Variants in PTPRO observed in about 807,000 individuals in gnomAD.
PTPRO encodes receptor-type tyrosine-protein phosphatase O.
PTPRO carries 62 observed loss-of-function variants against 145.2 expected under a neutral mutation model. The ratio of observed to expected loss-of-function variants is 0.43; its 90% confidence interval spans 0.35 to 0.53. PTPRO has a LOEUF of 0.53. PTPRO is among the 20% of genes least tolerant of loss of function. The probability of loss-of-function intolerance (pLI) is 0.01; values close to 1 mark genes in which losing one functional copy is unlikely to be tolerated. For synonymous variants in PTPRO, 565 were observed against 514.7 expected, an observed-to-expected ratio of 1.10 and a Z score of -1.32; for missense variants, 1,345 against 1,482.7, an observed-to-expected ratio of 0.91 and a Z score of 1.53.
chr12:15,519,406 G>A (rs1227591976), intron 9 of PTPRO, among the ~76,000 whole-genome samples: 1 of 152,102 alleles, frequency 6.6e-6, no homozygotes, highest in East Asian at 1.9e-4. Flanking sequence ...CATTGTTTTT[G>A]CTTTTAGGTT....
At chr12:15,547,408 A>G (rs1032965121) in intron 13 of PTPRO, among the ~76,000 whole-genome samples, 1 of 152,248 alleles carries the variant, frequency 6.6e-6, no homozygotes, top group Non-Finnish European at 1.5e-5. Context: ...TGAAAGGAAA[A>G]GGACAGATTT....
At chr12:15,579,901 A>G (rs1182996956) in intron 20 of PTPRO, 138 bp from the exon 21 acceptor site, 16 of 691,302 alleles carry the variant, frequency 2.3e-5, no homozygotes, top group Non-Finnish European at 4.0e-5. Flanking sequence ...GTTGAAGAAT[A>G]GCTAAAATAT....
At chr12:15,513,237 A>AGAGG (rs1235143980) in intron 7 of PTPRO, among the ~76,000 whole-genome samples, 1 of 129,146 alleles carries the variant, frequency 7.7e-6, no homozygotes, top group Non-Finnish European at 1.7e-5. Context: ...AAAGAAAGAA[A>AGAGG]GAGGGAGGGA....
At chr12:15,581,545 T>C in intron 22 of PTPRO, 134 bp from the exon 23 acceptor site, 1 of 1,081,876 alleles carries the variant, frequency 9.2e-7, no homozygotes, top group Non-Finnish European at 1.4e-6. Context: ...CAGAAATGGT[T>C]TGCTTTATGT....
intron 1 of PTPRO, chr12:15,348,510 G>A (rs1292101057): frequency 6.6e-6 from 1 of 152,196 alleles, no homozygotes; most frequent in Non-Finnish European, 1.5e-5. Context: ...TGTAATCCCA[G>A]CACTTTGGGA....
intron 1 of PTPRO, among the ~76,000 whole-genome samples, chr12:15,341,710 T>C (rs1866993217): frequency 6.6e-6 from 1 of 152,218 alleles, no homozygotes; most frequent in Non-Finnish European, 1.5e-5. Context: ...GCATATCTTC[T>C]GAGGTTTTTT....
chr12:15,478,195 G>C (rs566681842), intron 1 of PTPRO, among the ~76,000 whole-genome samples: 2 of 152,284 alleles, frequency 1.3e-5, no homozygotes, highest in South Asian at 4.1e-4. Flanking sequence ...TTCTAGATTT[G>C]GTGCAGGAGG....
intron 16 of PTPRO, among the ~76,000 whole-genome samples, chr12:15,558,883 A>G (rs1013447232): frequency 6.6e-6 from 1 of 152,238 alleles, no homozygotes; most frequent in African/African-American, 2.4e-5. Context: ...AAATTTTAAC[A>G]TGAGTAGAAT....
chr12:15,489,921 T>A lies in PTPRO; in HGVS notation c.349+5674T>A, dbSNP rs76490588. On this transcript the variant is annotated intron_variant, in intron 2 of 26. Coordinates refer to ENST00000281171, the MANE Select transcript of PTPRO (RefSeq NM_030667.3). The stretch of plus-strand genomic sequence containing the variant: ...AGTGTTACAGAGTCAAATGGAATCG[T>A]ATATGCAAATAATGGAGGCATACAT... 5.2e-3 allele frequency among the ~76,000 whole-genome samples: 791 copies of A among 152,294 alleles called. 54 individuals carry two copies. The East Asian group carries it at 0.14, about 26-fold the overall frequency.
At chr12:15,346,904 C>T (rs371342223) in intron 1 of PTPRO, among the ~76,000 whole-genome samples, 1 of 152,160 alleles carries the variant, frequency 6.6e-6, no homozygotes, top group Non-Finnish European at 1.5e-5. Context: ...TTAGTGTCAT[C>T]TCTTGTCAAT....
chr12:15,538,000 AG>A (rs892331210), intron 12 of PTPRO, among the ~76,000 whole-genome samples: 4 of 152,132 alleles, frequency 2.6e-5, no homozygotes, highest in South Asian at 2.1e-4. Context: ...TTAGGTTTGC[AG>A]GGGGCAATAC....
At chr12:15,433,214 G>A (rs1331802664) in intron 1 of PTPRO, among the ~76,000 whole-genome samples, 1 of 132,258 alleles carries the variant, frequency 7.6e-6, no homozygotes, top group African/African-American at 2.9e-5. Context: ...TCACTCTGTC[G>A]CCCAGGCTGG....
At chr12:15,539,253 C>A (rs1321551023) in intron 12 of PTPRO, among the ~76,000 whole-genome samples, 1 of 152,068 alleles carries the variant, frequency 6.6e-6, no homozygotes, top group Non-Finnish European at 1.5e-5. Flanking sequence ...CCTGATTTCA[C>A]CACTATGCAA....
At chr12:15,330,347 T>A (rs1003015140) in intron 1 of PTPRO, among the ~76,000 whole-genome samples, 2 of 152,190 alleles carry the variant, frequency 1.3e-5, no homozygotes, top group Admixed American at 6.5e-5. Flanking sequence ...GAGCAAGATG[T>A]AGGGTAATTT....
intron 1 of PTPRO, among the ~76,000 whole-genome samples, chr12:15,473,353 G>C (rs543195372): frequency 4.5e-4 from 68 of 152,312 alleles, no homozygotes; most frequent in Non-Finnish European, 9.4e-4. Flanking sequence ...GCTCATGCTT[G>C]TGTGTTATTG....
intron 1 of PTPRO, among the ~76,000 whole-genome samples, chr12:15,373,417 A>G (rs1438946619): frequency 6.6e-6 from 1 of 152,190 alleles, no homozygotes; most frequent in Non-Finnish European, 1.5e-5. Flanking sequence ...GAAGAAGCAG[A>G]TCCTAGGTGT....
chr12:15,532,050 C>T (rs531282730), intron 12 of PTPRO, among the ~76,000 whole-genome samples: 96 of 152,154 alleles, frequency 6.3e-4, no homozygotes, highest in East Asian at 3.9e-3. Flanking sequence ...ACAAAAAATA[C>T]GATCTTTCCT....
At chr12:15,520,908 T>G (rs1247331501) in intron 10 of PTPRO, among the ~76,000 whole-genome samples, 1 of 152,182 alleles carries the variant, frequency 6.6e-6, no homozygotes, top group Non-Finnish European at 1.5e-5. Context: ...TACAACTTCA[T>G]TATTATATAA....
rs538363515 is a variant in PTPRO, at chr12:15,581,922, C to T, written c.3255+121C>T. On this transcript the variant is annotated intron_variant, in intron 23 of 26. Transcript: ENST00000281171. Reference sequence around the variant, plus strand: ...ATTACAGACACACACACAAAAATATCGAGTGTGGAGTGGGAAATCAGGGGT... The same window carrying T: ...ATTACAGACACACACACAAAAATATTGAGTGTGGAGTGGGAAATCAGGGGT... 4.6e-4 allele frequency: 608 copies of T among 1,330,374 alleles called. 1 individual carries two copies. Among genetic ancestry groups the T allele is most frequent in the Admixed American group, 9.2e-4 (48 of 51,986 alleles). The allele number at this position is 1,330,374 out of a possible 1,614,324, so 82.4% of individuals were successfully genotyped here.
Sources: gnomAD v4.1 joint callset for allele counts (sites outside exome capture counted in the v4.1 genomes callset) on GRCh38, gnomAD v4.1.1 for gene constraint, MANE v1.5 for transcripts, NCBI Gene and HGNC (gene_info 2026-07-23, HGNC 2026-07-21) for gene names.